The following CAPN14 variants were observed in gnomAD, a reference collection of about 807,000 sequenced individuals.
CAPN14 encodes the protein calpain-14.
In CAPN14, 94 loss-of-function variants were observed where a neutral mutation model predicts 101.3. That is an observed-to-expected ratio of 0.93 (90% CI 0.79 to 1.10). The LOEUF (loss-of-function observed/expected upper bound fraction) is 1.10. Ranked by LOEUF, CAPN14 falls within the 50% of genes least tolerant of loss-of-function variation. The pLI, the probability that CAPN14 is intolerant of heterozygous loss-of-function variation, is 0.00. For synonymous variants in CAPN14, 338 were observed against 317.9 expected, an observed-to-expected ratio of 1.06 and a Z score of -0.67; for missense variants, 837 against 828.4, an observed-to-expected ratio of 1.01 and a Z score of -0.13.
At chr2:31,185,811 T>C (rs950949565) in intron 16 of CAPN14, among the ~76,000 whole-genome samples, 36 of 152,348 alleles carry the variant, frequency 2.4e-4, no homozygotes, top group African/African-American at 8.4e-4. Flanking sequence ...GTTGTTTTAC[T>C]TTTTTTACTT....
chr2:31,215,899 C>T (rs1682622581), intron 1 of CAPN14, among the ~76,000 whole-genome samples: 1 of 148,470 alleles, frequency 6.7e-6, no homozygotes, highest in Non-Finnish European at 1.5e-5. Context: ...TAGCTAAACA[C>T]ATACAAACTA....
intron 1 of CAPN14, among the ~76,000 whole-genome samples, chr2:31,213,515 C>A (rs554940039): frequency 5.3e-4 from 81 of 152,328 alleles, no homozygotes; most frequent in African/African-American, 1.9e-3. Context: ...CTGAGCACTG[C>A]TCTAAAGCAC....
At chr2:31,176,501 A>T in intron 21 of CAPN14, 86 bp downstream of exon 21, 2 of 982,614 alleles carry the variant, frequency 2.0e-6, no homozygotes, top group Non-Finnish European at 3.2e-6. Flanking sequence ...GTGTCCCCAG[A>T]GCCCTTCTCC....
Position 31,203,124 on chromosome 2 carries a change from G to A in CAPN14, c.241C>T (p.Pro81Ser). The A allele has an allele frequency of 1.3e-6, 2 of 1,551,636 alleles. No homozygotes were observed. The highest frequency in any genetic ancestry group is 1.7e-6 in the Non-Finnish European group (2 of 1,146,956). Residue 81 changes from proline to serine, a missense_variant, in exon 3 of 22, where the codon CCC becomes TCC. By Grantham distance (74) the Pro-to-Ser change is moderately conservative. Coordinates refer to ENST00000403897, the MANE Select transcript of CAPN14 (RefSeq NM_001145122.2). ...WKRPPELHSN[P>S]QFYFAKAKRL... is the part of the protein sequence containing the mutation. The stretch of plus-strand genomic sequence containing the variant: ...TTGGCCTTGGCAAAATAAAACTGGG[G>A]ATTGCTGTGCAGCTCCTGGGAAAGA...
intron 8 of CAPN14, among the ~76,000 whole-genome samples, chr2:31,196,860 A>C (rs529678203): frequency 3.9e-5 from 6 of 152,344 alleles, no homozygotes; most frequent in African/African-American, 1.4e-4. Flanking sequence ...CACTGAACCC[A>C]GGCACCAAAG....
intron 7 of CAPN14, among the ~76,000 whole-genome samples, chr2:31,198,424 A>G (rs1357067536): frequency 3.9e-5 from 6 of 152,216 alleles, no homozygotes; most frequent in Non-Finnish European, 5.9e-5. Flanking sequence ...CATCCTCAAC[A>G]TTGGCAAAAT....
chr2:31,186,538 A>G, intron 15 of CAPN14, 53 bp from the exon 16 acceptor site: 1 of 1,347,066 alleles, frequency 7.4e-7, no homozygotes, highest in Non-Finnish European at 1.0e-6. Context: ...AAGGCTCATT[A>G]GATGGCAGAG....
At chr2:31,182,568 G>C (rs1680699361) in intron 16 of CAPN14, among the ~76,000 whole-genome samples, 1 of 129,960 alleles carries the variant, frequency 7.7e-6, no homozygotes. Context: ...CAAATCATGA[G>C]TGAACTCCCA....
At chr2:31,201,100 T>TGC (rs1558626035) in intron 5 of CAPN14, among the ~76,000 whole-genome samples, 1 of 146,368 alleles carries the variant, frequency 6.8e-6, no homozygotes. Context: ...TGCATGTGTG[T>TGC]GTGTGCATGT....
intron 1 of CAPN14, among the ~76,000 whole-genome samples, chr2:31,213,009 T>G (rs1682473882): frequency 6.6e-6 from 1 of 152,234 alleles, no homozygotes; most frequent in Admixed American, 6.5e-5. Flanking sequence ...TGAAAAATGA[T>G]CAATTCCCTG....
intron 1 of CAPN14, among the ~76,000 whole-genome samples, chr2:31,212,242 G>A (rs1291514033): frequency 2.0e-5 from 3 of 151,416 alleles, no homozygotes; most frequent in Non-Finnish European, 4.4e-5. Context: ...CCTGGGAGGT[G>A]GAGGTTGCAG....
At chr2:31,187,131 CA>C (rs996137916) in intron 15 of CAPN14, among the ~76,000 whole-genome samples, 1 of 152,140 alleles carries the variant, frequency 6.6e-6, no homozygotes, top group Non-Finnish European at 1.5e-5. Context: ...TGACATTGCT[CA>C]AATATCAGAC....
At chr2:31,179,060 C>CTATATATA (rs60701103) in intron 17 of CAPN14, among the ~76,000 whole-genome samples, 862 of 68,998 alleles carry the variant, frequency 0.012, 9 homozygotes, top group Admixed American at 0.051. Flanking sequence ...TTATTGAGTT[C>CTATATATA]TATATATATA....
At chr2:31,191,911 C>A in intron 11 of CAPN14, 24 bp downstream of exon 11, 1 of 1,526,614 alleles carries the variant, frequency 6.6e-7, no homozygotes, top group Non-Finnish European at 8.8e-7. Context: ...GTCCCATGCC[C>A]CTGTGGTTCA....
At chr2:31,181,431 T>TTTCTTTCTTTCTTTCTTTCC (rs1558612430) in intron 16 of CAPN14, among the ~76,000 whole-genome samples, 138 of 148,610 alleles carry the variant, frequency 9.3e-4, no homozygotes, top group Middle Eastern at 3.4e-3. Context: ...TCTTTCTTTC[T>TTTCTTTCTTTCTTTCTTTCC]TTCTTTCTTT....
At chr2:31,221,609 T>C (rs138066025), upstream of CAPN14, among the ~76,000 whole-genome samples, 181 of 152,318 alleles carry the variant, frequency 1.2e-3, no homozygotes, top group African/African-American at 4.1e-3. Context: ...CCTATCTTTC[T>C]TGGCAGAAAA....
chr2:31,193,179 TC>T lies in CAPN14; in HGVS notation c.1065del (p.Arg356AspfsTer39). The T allele has an allele frequency of 6.4e-7, 1 of 1,551,250 alleles. No individual in the cohort carries two copies. The highest frequency in any genetic ancestry group is 8.7e-7 in the Non-Finnish European group (1 of 1,146,946). ...AQKWTYTMRE[G>X]RWEKRSTAGG... is the part of the protein sequence containing the mutation. ...CCAGCTGTGCTCCGCTTCTCCCATCTCCCCTCCCGCATGGTGTACGTCCACT... is the reference window on the plus strand; with the variant it reads ...CCAGCTGTGCTCCGCTTCTCCCATCTCCCTCCCGCATGGTGTACGTCCACT... On this transcript the variant is annotated frameshift_variant, in exon 10 of 22. Coordinates refer to ENST00000403897, the MANE Select transcript of CAPN14 (RefSeq NM_001145122.2). LOFTEE classifies it high-confidence loss of function.
chr2:31,229,679 CAAAAAAAAA>C (rs3031884), intron 1 of CAPN14, among the ~76,000 whole-genome samples: 2 of 99,052 alleles, frequency 2.0e-5, no homozygotes, highest in African/African-American at 3.9e-5. Context: ...ACCCTATGTC[CAAAAAAAAA>C]AAAAAAAAAA....
chr2:31,194,270 C>T (rs964691770), intron 9 of CAPN14, 139 bp downstream of exon 9: 16 of 651,164 alleles, frequency 2.5e-5, no homozygotes, highest in Middle Eastern at 2.5e-4. Flanking sequence ...CCTGCTAGAC[C>T]GTGAGCTCCT....
Sources: gnomAD v4.1 joint callset for allele counts (sites outside exome capture counted in the v4.1 genomes callset) on GRCh38, gnomAD v4.1.1 for gene constraint, MANE v1.5 for transcripts, NCBI Gene and HGNC (gene_info 2026-07-23, HGNC 2026-07-21) for gene names.